The following ERG variants were observed in gnomAD, a reference collection of about 807,000 sequenced individuals.
ERG encodes ETS transcription factor ERG.
ERG carries 9 observed loss-of-function variants against 55.3 expected under a neutral mutation model. The observed-to-expected ratio is 0.16, with a 90% CI of 0.10 to 0.28. The LOEUF (loss-of-function observed/expected upper bound fraction) is 0.28, where lower values mean the gene tolerates loss of function less well. Ranked by LOEUF, ERG falls within the 10% of genes least tolerant of loss-of-function variation. The pLI is 1.00. For synonymous variants in ERG, 223 were observed against 237.3 expected (o/e 0.94, Z 0.55); for missense variants, 434 against 631.6 (o/e 0.69, Z 3.35).
chr21:38,627,546 T>C (rs528134442), intron 1 of ERG, among the ~76,000 whole-genome samples: 1 of 152,180 alleles, frequency 6.6e-6, no homozygotes, highest in Non-Finnish European at 1.5e-5. Context: ...AGACATAGTA[T>C]ATAAAAACTA....
chr21:38,405,146 C>T (rs1264238471), intron 3 of ERG, among the ~76,000 whole-genome samples: 1 of 152,184 alleles, frequency 6.6e-6, no homozygotes, highest in African/African-American at 2.4e-5. Flanking sequence ...GAAGTAACCA[C>T]TATCCTGAAG....
At chr21:38,390,094 G>A (rs1987901836) in intron 9 of ERG, among the ~76,000 whole-genome samples, 1 of 152,344 alleles carries the variant, frequency 6.6e-6, no homozygotes, top group Admixed American at 6.5e-5. Context: ...TTGGGAATAT[G>A]CAGCATAGGC....
chr21:38,398,991 G>A (rs1214523365), intron 6 of ERG, among the ~76,000 whole-genome samples: 2 of 152,128 alleles, frequency 1.3e-5, no homozygotes, highest in Non-Finnish European at 2.9e-5. Context: ...TAGTTTATAT[G>A]GAAATATTTT....
At chr21:38,423,636 A>C (rs1405253852) in intron 2 of ERG, 75 bp from the exon 3 acceptor site, 1 of 1,455,760 alleles carries the variant, frequency 6.9e-7, no homozygotes, top group Non-Finnish European at 9.4e-7. Context: ...CACAATACAC[A>C]GAGAGAACCA....
intron 1 of ERG, among the ~76,000 whole-genome samples, chr21:38,465,812 T>TA (rs2059083587): frequency 6.6e-6 from 1 of 152,234 alleles, no homozygotes; most frequent in African/African-American, 2.4e-5. Flanking sequence ...TTACTTTGGT[T>TA]CTCCGATACT....
intron 2 of ERG, among the ~76,000 whole-genome samples, chr21:38,438,652 C>A (rs191536855): frequency 6.6e-6 from 1 of 152,222 alleles, no homozygotes; most frequent in Non-Finnish European, 1.5e-5. Context: ...GCTGCACAGG[C>A]CCAGCTGGGC....
chr21:38,651,865 A>G lies in ERG; in HGVS notation c.-150+9793T>C, dbSNP rs544926511. ...CTGCCCTGGTTCCCACTACTGTGTGACTCCAGGCAAGGTGCTCAGCACTCC... is the reference window on the plus strand; with the variant it reads ...CTGCCCTGGTTCCCACTACTGTGTGGCTCCAGGCAAGGTGCTCAGCACTCC... On this transcript the variant is annotated intron_variant, in intron 1 of 10. Transcript: ENST00000398910. Among the ~76,000 whole-genome samples, 140 of 152,162 alleles carry G rather than the reference A, an allele frequency of 9.2e-4. 1 individual carries two copies. The highest frequency in any genetic ancestry group is 3.1e-3 in the African/African-American group (130 of 41,508).
chr21:38,518,337 G>C (rs2059568878), intron 2 of ERG, among the ~76,000 whole-genome samples: 1 of 151,676 alleles, frequency 6.6e-6, no homozygotes, highest in Admixed American at 6.6e-5. Context: ...AAAAGAGTGA[G>C]GTAGGACAAC....
At chr21:38,565,444 G>A (rs2059917139) in intron 2 of ERG, among the ~76,000 whole-genome samples, 1 of 152,140 alleles carries the variant, frequency 6.6e-6, no homozygotes. Flanking sequence ...CCTTATCCTT[G>A]CTTAACAGAA....
chr21:38,381,138 A>G lies in ERG; in HGVS notation c.*2265T>C. The G allele has an allele frequency of 9.4e-7, 1 of 1,065,374 alleles. No homozygotes were observed. The highest frequency in any genetic ancestry group is 1.1e-6 in the Non-Finnish European group (1 of 879,280). The allele number at this position is 1,065,374 out of a possible 1,614,324, so 66.0% of individuals were successfully genotyped here. ...GGTAATCGTGTCCTGCCGACTTCAAAGCCCACTGCCAAAACATCCACAGCA... is the reference window on the plus strand; with the variant it reads ...GGTAATCGTGTCCTGCCGACTTCAAGGCCCACTGCCAAAACATCCACAGCA... On this transcript the variant is annotated 3_prime_UTR_variant, in exon 10 of 10. Coordinates refer to ENST00000288319, the MANE Select transcript of ERG (RefSeq NM_182918.4).
At chr21:38,616,158 G>A (rs933676446) in intron 1 of ERG, among the ~76,000 whole-genome samples, 3 of 152,036 alleles carry the variant, frequency 2.0e-5, no homozygotes, top group Admixed American at 6.5e-5. Context: ...CTCTCCTGCC[G>A]CCTTGTGAAG....
chr21:38,527,143 C>A (rs574569816), intron 2 of ERG, among the ~76,000 whole-genome samples: 1 of 152,190 alleles, frequency 6.6e-6, no homozygotes, highest in African/African-American at 2.4e-5. Context: ...TCAGGCACTG[C>A]AAACATGGCC....
intron 1 of ERG, among the ~76,000 whole-genome samples, chr21:38,595,777 C>T (rs1471972364): frequency 3.9e-5 from 6 of 152,142 alleles, no homozygotes; most frequent in Admixed American, 2.0e-4. Flanking sequence ...CAAACCCTTC[C>T]TGGAGGGCAG....
At chr21:38,467,275 A>C (rs2059099280) in intron 1 of ERG, among the ~76,000 whole-genome samples, 1 of 152,220 alleles carries the variant, frequency 6.6e-6, no homozygotes, top group African/African-American at 2.4e-5. Context: ...CCATACTCTG[A>C]AGTGTGCAAT....
intron 4 of ERG, 97 bp downstream of exon 4, chr21:38,403,409 G>C (rs183645442): frequency 8.3e-7 from 1 of 1,204,368 alleles, no homozygotes; most frequent in Admixed American, 1.9e-5. Flanking sequence ...GGCGAGGGCA[G>C]GAGGATGCTG....
At chr21:38,585,341 C>T (rs570154831), upstream of ERG, among the ~76,000 whole-genome samples, 4 of 152,210 alleles carry the variant, frequency 2.6e-5, no homozygotes, top group East Asian at 7.7e-4. Context: ...ATTTAGAAAA[C>T]ATCCCGAGAA....
At chr21:38,491,814 A>G (rs373433550) in intron 1 of ERG, among the ~76,000 whole-genome samples, 1 of 152,324 alleles carries the variant, frequency 6.6e-6, no homozygotes, top group African/African-American at 2.4e-5. Flanking sequence ...TCAGCAGCTG[A>G]TCTGGAATCT....
At chr21:38,575,373 G>A (rs2059988555) in intron 2 of ERG, among the ~76,000 whole-genome samples, 1 of 152,126 alleles carries the variant, frequency 6.6e-6, no homozygotes, top group South Asian at 2.1e-4. Flanking sequence ...CTACTCAACT[G>A]TGCCATTATG....
At chr21:38,598,005 G>C (rs549906521) in intron 1 of ERG, among the ~76,000 whole-genome samples, 1 of 152,306 alleles carries the variant, frequency 6.6e-6, no homozygotes, top group South Asian at 2.1e-4. Context: ...TAGGTGCTCA[G>C]GTTGTGTGGA....
Sources: gnomAD v4.1 joint callset for allele counts (sites outside exome capture counted in the v4.1 genomes callset) on GRCh38, gnomAD v4.1.1 for gene constraint, MANE v1.5 for transcripts, NCBI Gene and HGNC (gene_info 2026-07-23, HGNC 2026-07-21) for gene names.